CPNE7: variants seen among roughly 807,000 people sequenced by gnomAD.
CPNE7 encodes the protein copine 7, also known as copine-7.
Under a neutral mutation model 66.5 loss-of-function variants are expected in CPNE7, and 78 were observed. The ratio of observed to expected loss-of-function variants is 1.17; its 90% CI spans 0.98 to 1.42. CPNE7 has a LOEUF of 1.42. Among genes scored for constraint, CPNE7 ranks in the 40% most tolerant of loss-of-function variants. The pLI, the probability that CPNE7 is intolerant of heterozygous loss-of-function variation, is 0.00. For synonymous variants in CPNE7, 468 were observed against 336.7 expected (o/e 1.39, Z -4.27); for missense variants, 1,012 against 776.6 (o/e 1.30, Z -3.60).
rs551136864 is a variant in CPNE7 at position 89,590,222 on chromosome 16, C to G, written c.1116+271C>G. ...CGTTAGTGTGGAATCCTCTATTGCA[C>G]ATAACAATTCAGCTAGCTTCGGCCA... is the stretch of plus-strand genomic sequence containing the variant. On this transcript the variant is annotated intron_variant, in intron 11 of 14. Coordinates refer to ENST00000319518, the MANE Select transcript of CPNE7 (RefSeq NM_153636.3). Among the ~76,000 whole-genome samples, 5 of 152,288 alleles carry G rather than the reference C, an allele frequency of 3.3e-5. No homozygotes were observed. In the East Asian group the frequency reaches 9.7e-4, roughly 29 times the overall value.
chr16:89,586,622 G>T, intron 7 of CPNE7, 48 bp from the exon 8 acceptor site: 2 of 1,482,156 alleles, frequency 1.3e-6, no homozygotes, highest in African/African-American at 1.4e-5. Flanking sequence ...TCCCTGGTAG[G>T]TGTTCAGAGC....
rs1464025266 is a variant in CPNE7, at chr16:89,587,466, A to G, written c.927+364A>G. ...GTCCTCCCTTTTGCGCAGGCGAGGAAACGGGCTTGGGGTTCAGGAAGCAGC... is the reference window on the plus strand; with the variant it reads ...GTCCTCCCTTTTGCGCAGGCGAGGAGACGGGCTTGGGGTTCAGGAAGCAGC... On this transcript the variant is annotated intron_variant, in intron 9 of 14. Coordinates refer to ENST00000319518, the MANE Select transcript of CPNE7 (RefSeq NM_153636.3). The G allele has an allele frequency of 2.3e-5, 10 of 433,202 alleles. No homozygotes were observed. The East Asian group carries it at 7.2e-4, about 31-fold the overall frequency. The allele number at this position is 433,202 out of a possible 1,614,324, so 26.8% of individuals were successfully genotyped here.
chr16:89,578,655 G>A (rs903495340), intron 2 of CPNE7, among the ~76,000 whole-genome samples: 4 of 150,644 alleles, frequency 2.7e-5, no homozygotes, highest in Admixed American at 2.6e-4. Flanking sequence ...AGCTACTCTG[G>A]AGGCTGAGGC....
Position 89,596,778 on chromosome 16 carries a change from G to A in CPNE7, c.*157G>A, listed in dbSNP as rs2059263802. 3.8e-6 allele frequency: 4 copies of A among 1,053,454 alleles called. No individual in the cohort carries two copies. Among genetic ancestry groups the A allele is most frequent in the Non-Finnish European group, 3.8e-6 (3 of 788,240 alleles). 65.3% of individuals were successfully genotyped at this position (1,053,454 alleles called of 1,614,324 possible). ...GTCCTCCTGGGATCCTGCTGGCTTGGGCCCGGCTCTGGGGCCCCCAAGGCC... is the reference window on the plus strand; with the variant it reads ...GTCCTCCTGGGATCCTGCTGGCTTGAGCCCGGCTCTGGGGCCCCCAAGGCC... On this transcript the variant is annotated 3_prime_UTR_variant, in exon 15 of 15. Coordinates refer to ENST00000319518, the MANE Select transcript of CPNE7 (RefSeq NM_153636.3).
At position 89,577,577 on chromosome 16, in the gene CPNE7, C is replaced by G. The variant is rs746899856; in HGVS notation, c.213C>G (p.Pro71=). 1 of 1,552,962 alleles carries G rather than the reference C, an allele frequency of 6.4e-7. No individual in the cohort carries two copies. Among genetic ancestry groups the G allele is most frequent in the Admixed American group, 2.0e-5 (1 of 51,108 alleles). ...RTEVVRSSLH[P]VFSKVFTVDY... ...AGGTGGTCCGGAGCAGCCTGCATCCCGTGTTCTCCAAGGTCTTCACGGTGG... is the reference window on the plus strand; with the variant it reads ...AGGTGGTCCGGAGCAGCCTGCATCCGGTGTTCTCCAAGGTCTTCACGGTGG... The change falls in exon 2 of 15, where the codon CCC becomes CCG. Residue 71 remains proline, a synonymous_variant. Coordinates refer to ENST00000319518, the MANE Select transcript of CPNE7 (RefSeq NM_153636.3).
At position 89,597,006 on chromosome 16, in the gene CPNE7, G is replaced by T. The variant is rs1396955680; in HGVS notation, c.*385G>T. The T allele has an allele frequency of 1.8e-4, 31 of 168,182 alleles. No homozygotes were observed. The highest frequency in any genetic ancestry group is 6.3e-5 in the Non-Finnish European group (5 of 79,402). The allele number at this position is 168,182 out of a possible 1,614,324, so 10.4% of individuals were successfully genotyped here. On this transcript the variant is annotated 3_prime_UTR_variant, in exon 15 of 15. Transcript: ENST00000319518. Reference sequence around the variant, plus strand: ...CCAGCAAGGCAGTCCCCCCACGCCCGAGAAAGCCTGGGGGACCCAGACACC... The same window carrying T: ...CCAGCAAGGCAGTCCCCCCACGCCCTAGAAAGCCTGGGGGACCCAGACACC...
At position 89,586,762 on chromosome 16, in the gene CPNE7, A is replaced by C; in HGVS notation, c.867+6A>C. On this transcript the variant is annotated splice_donor_region_variant and intron_variant, in intron 8 of 14. Coordinates refer to ENST00000319518, the MANE Select transcript of CPNE7 (RefSeq NM_153636.3). ...TCGTCCTGGCTGACCTCAAGGTGAG[A>C]GGTGGCTGTGCCCGAAGCCTCCCCA... 1 of 1,611,450 alleles carries C rather than the reference A, an allele frequency of 6.2e-7. No homozygotes were observed. Among genetic ancestry groups the C allele is most frequent in the Non-Finnish European group, 8.5e-7 (1 of 1,178,404 alleles).
In CPNE7 at chr16:89,585,683, C is replaced by G. The variant is rs2059023984; in HGVS notation, c.682-4C>G. On this transcript the variant is annotated splice_region_variant and splice_polypyrimidine_tract_variant and intron_variant, in intron 6 of 14. Transcript: ENST00000319518. ...GCAGTGCTGAGGAGGACTGGGCTCC[C>G]CAGTGCCTGGTCTGGGATTACGACT... is the stretch of plus-strand genomic sequence containing the variant. The G allele has an allele frequency of 2.6e-6, 4 of 1,553,114 alleles. No homozygotes were observed. The South Asian group carries it at 3.5e-5, about 14-fold the overall frequency.
intron 9 of CPNE7, among the ~76,000 whole-genome samples, chr16:89,588,228 G>GCCCCCGTGTCACCCACAGAAACACGGC (rs1567961889): frequency 9.4e-6 from 1 of 106,866 alleles, no homozygotes; most frequent in Non-Finnish European, 2.1e-5. Context: ...CAGATACACG[G>GCCCCCGTGTCACCCACAGAAACACGGC]CCCCCGTGTC....
chr16:89,582,165 G>A (rs2058966931), intron 2 of CPNE7, among the ~76,000 whole-genome samples: 1 of 152,238 alleles, frequency 6.6e-6, no homozygotes, highest in Non-Finnish European at 1.5e-5. Context: ...TGACCTGCAG[G>A]GCACCACGGT....
chr16:89,577,085 G>A (rs1341948394), intron 1 of CPNE7, among the ~76,000 whole-genome samples: 1 of 152,200 alleles, frequency 6.6e-6, no homozygotes, highest in African/African-American at 2.4e-5. Flanking sequence ...GGCCCAGCTG[G>A]GTCTTGTCCT....
At chr16:89,595,955 C>T in intron 14 of CPNE7, 1 of 520,550 alleles carries the variant, frequency 1.9e-6, no homozygotes, top group Non-Finnish European at 3.7e-6. Flanking sequence ...ACACACACAG[C>T]ACACACGTGA....
chr16:89,590,921 AC>A, intron 11 of CPNE7, 85 bp from the exon 12 acceptor site: 4 of 1,130,678 alleles, frequency 3.5e-6, no homozygotes, highest in Non-Finnish European at 4.6e-6. Flanking sequence ...GGGGCTGGGG[AC>A]GGGGGGAGCA....
At position 89,588,944 on chromosome 16, in the gene CPNE7, C is replaced by A. The variant is rs977462063; in HGVS notation, c.1061+136C>A. On this transcript the variant is annotated intron_variant, in intron 10 of 14. Coordinates refer to ENST00000319518, the MANE Select transcript of CPNE7 (RefSeq NM_153636.3). ...CACCCGGCCGGTTTTCCCTCACCCCCCTGGGCTCCAGGTCAGGCCTCGGGG... is the reference window on the plus strand; with the variant it reads ...CACCCGGCCGGTTTTCCCTCACCCCACTGGGCTCCAGGTCAGGCCTCGGGG... 9 of 1,060,686 alleles carry A rather than the reference C, an allele frequency of 8.5e-6. No individual in the cohort carries two copies. In the African/African-American group the frequency reaches 9.4e-5, roughly 11 times the overall value. 65.7% of individuals were successfully genotyped at this position (1,060,686 alleles called of 1,614,324 possible).
chr16:89,578,787 CT>C, intron 2 of CPNE7: 1 of 1,444,520 alleles, frequency 6.9e-7, no homozygotes, highest in Non-Finnish European at 9.1e-7. Flanking sequence ...AAGAAGCCTC[CT>C]TGTGAGCAGC....
intron 3 of CPNE7, 50 bp from the exon 4 acceptor site, chr16:89,583,978 G>C (rs986627081): frequency 6.3e-7 from 1 of 1,592,772 alleles, no homozygotes; most frequent in South Asian, 1.1e-5. Flanking sequence ...CCCCACGGTG[G>C]GGTCAGGCCC....
intron 13 of CPNE7, among the ~76,000 whole-genome samples, chr16:89,595,003 G>GTCTC (rs2059231440): frequency 6.6e-6 from 1 of 152,058 alleles, no homozygotes; most frequent in South Asian, 2.1e-4. Flanking sequence ...ACTGGAGCAG[G>GTCTC]GTGTGTGGGC....
At chr16:89,593,376 T>C (rs1324308350) in intron 13 of CPNE7, among the ~76,000 whole-genome samples, 2 of 150,884 alleles carry the variant, frequency 1.3e-5, no homozygotes, top group East Asian at 2.0e-4. Context: ...TTTTTTGAGA[T>C]GGAGTCTCGC....
rs773162305 is a variant in CPNE7 at position 89,588,784 on chromosome 16, G to T, written c.1037G>T (p.Gly346Val). Residue 346 changes from glycine to valine, a missense_variant, in exon 10 of 15, where the codon GGC becomes GTC. Physicochemically the swap from Gly to Val is moderately radical, Grantham distance 109. Transcript: ENST00000319518. ...NEYLKALVSV[G>V]EICQDYDSDK... ...TACCTGAAGGCACTGGTGTCCGTGGGCGAGATCTGCCAGGACTATGACAGG... is the reference window on the plus strand; with the variant it reads ...TACCTGAAGGCACTGGTGTCCGTGGTCGAGATCTGCCAGGACTATGACAGG... The T allele has an allele frequency of 8.1e-6, 13 of 1,613,558 alleles. No homozygotes were observed. Among genetic ancestry groups the T allele is most frequent in the Non-Finnish European group, 1.1e-5 (13 of 1,179,962 alleles).
Sources: allele counts gnomAD v4.1 joint callset (sites outside exome capture counted in the v4.1 genomes callset), GRCh38; gene constraint gnomAD v4.1.1; transcripts MANE v1.5; gene names NCBI Gene and HGNC (gene_info 2026-07-23, HGNC 2026-07-21).